Variants in NCKAP5 observed in about 807,000 individuals in gnomAD.
NCKAP5 encodes nck-associated protein 5.
NCKAP5 carries 92 observed loss-of-function variants against 167.0 expected under a neutral mutation model. The ratio of observed to expected loss-of-function variants is 0.55; its 90% confidence interval spans 0.47 to 0.66. NCKAP5 has a LOEUF of 0.66. Ranked by LOEUF, NCKAP5 falls within the 30% of genes least tolerant of loss-of-function variation. The pLI is 0.00. For synonymous variants in NCKAP5, 891 were observed against 877.4 expected, an observed-to-expected ratio of 1.02 and a Z score of -0.27; for missense variants, 2,378 against 2,315.0, an observed-to-expected ratio of 1.03 and a Z score of -0.56.
At chr2:133,249,234 G>T (rs923214228) in intron 4 of NCKAP5, among the ~76,000 whole-genome samples, 3 of 152,024 alleles carry the variant, frequency 2.0e-5, no homozygotes, top group African/African-American at 7.2e-5. Context: ...GATTTTTTTG[G>T]CAGGGCTCAA....
chr2:133,411,585 T>C lies in NCKAP5; in HGVS notation c.69+105873A>G, dbSNP rs1428491102. On this transcript the variant is annotated intron_variant, in intron 3 of 19. Coordinates refer to ENST00000409261, the MANE Select transcript of NCKAP5 (RefSeq NM_207363.3). ...ACGTGGAGACTTTGAGATTTCAGAG[T>C]AAAATTGGGAACAGGGCTTGGAAAA... Among the ~76,000 whole-genome samples, 5 of 151,664 alleles carry C rather than the reference T, an allele frequency of 3.3e-5. No individual in the cohort carries two copies. In the East Asian group the frequency reaches 9.7e-4, roughly 29 times the overall value.
At chr2:133,304,510 A>G (rs1298084927) in intron 3 of NCKAP5, among the ~76,000 whole-genome samples, 1 of 152,254 alleles carries the variant, frequency 6.6e-6, no homozygotes, top group Non-Finnish European at 1.5e-5. Context: ...AACAAAGCAG[A>G]AAGCTCTGCT....
intron 3 of NCKAP5, among the ~76,000 whole-genome samples, chr2:133,437,263 G>C (rs911373958): frequency 6.6e-6 from 1 of 151,920 alleles, no homozygotes; most frequent in Non-Finnish European, 1.5e-5. Context: ...TGAGGCAGGA[G>C]AATCGCTTGA....
At chr2:133,135,196 G>A (rs2082745613) in intron 5 of NCKAP5, among the ~76,000 whole-genome samples, 1 of 152,216 alleles carries the variant, frequency 6.6e-6, no homozygotes, top group African/African-American at 2.4e-5. Context: ...TTGTTTGGTA[G>A]GTCAGGGAAA....
rs759008162 is a variant in NCKAP5, at chr2:132,784,629, C to G, written c.2182G>C (p.Asp728His). ...TCAGACCTTTTAAAGAAAGTATAGT[C>G]TCTTGCAGCAGCTCTTGGCTGTAAA... ...ACLQPRAAAR[D>H]YTFFKRSEED... Residue 728 changes from aspartate (D) to histidine (H), a missense_variant, in exon 14 of 20, where the codon GAC (aspartate) becomes CAC (histidine). Physicochemically the swap from Asp to His is moderately conservative, Grantham distance 81 (BLOSUM62 -1). Around this residue, in one of 3 missense-constraint regions of NCKAP5, gnomAD observed 1,049 missense variants for 1,023.4 expected, o/e 1.02. Coordinates refer to ENST00000409261, the MANE Select transcript of NCKAP5 (RefSeq NM_207363.3). 2.0e-5 allele frequency: 33 copies of G among 1,613,082 alleles called. No homozygotes were observed. Among genetic ancestry groups the G allele is most frequent in the Non-Finnish European group, 2.5e-5 (30 of 1,179,556 alleles).
rs190185316 is a variant in NCKAP5 at position 133,449,892 on chromosome 2, T to G, written c.69+67566A>C. Reference sequence around the variant, plus strand: ...ATAAGAACTCGGTTGCATAGCACAATTTTTGTGGGTTGAAGTGCCTTGACA... The same window carrying G: ...ATAAGAACTCGGTTGCATAGCACAAGTTTTGTGGGTTGAAGTGCCTTGACA... On this transcript the variant is annotated intron_variant, in intron 3 of 19. Transcript: ENST00000409261. Among the ~76,000 whole-genome samples, 17 of 152,076 alleles carry G rather than the reference T, an allele frequency of 1.1e-4. No homozygotes were observed. The East Asian group carries it at 3.1e-3, about 28-fold the overall frequency.
intron 3 of NCKAP5, among the ~76,000 whole-genome samples, chr2:133,393,140 G>C (rs370631647): frequency 2.6e-5 from 4 of 152,202 alleles, no homozygotes; most frequent in Admixed American, 1.3e-4. Context: ...TACCAGAGAT[G>C]TGACTGAGTA....
At chr2:132,914,857 T>G (rs1022990665) in intron 8 of NCKAP5, among the ~76,000 whole-genome samples, 1 of 151,924 alleles carries the variant, frequency 6.6e-6, no homozygotes, top group Non-Finnish European at 1.5e-5. Context: ...TATGTGTGTT[T>G]TGTGGCTTCA....
chr2:133,385,780 G>A (rs1431808224), intron 3 of NCKAP5, among the ~76,000 whole-genome samples: 2 of 152,132 alleles, frequency 1.3e-5, no homozygotes, highest in African/African-American at 4.8e-5. Flanking sequence ...TCTTGGGAGG[G>A]TGTATGTGTC....
intron 8 of NCKAP5, among the ~76,000 whole-genome samples, chr2:132,904,219 C>T (rs1962923): frequency 0.064 from 9,685 of 151,706 alleles, 783 homozygotes; most frequent in East Asian, 0.25. Flanking sequence ...ACATGGGAGG[C>T]GGAGCTTGCA....
chr2:133,632,966 G>A, the NCKAP5 span, among the ~76,000 whole-genome samples: 6 of 152,146 alleles, frequency 3.9e-5, no homozygotes, highest in Non-Finnish European at 8.8e-5. Flanking sequence ...CTTGCATCTG[G>A]ACACACCGGT....
At chr2:133,410,444 C>T (rs12327930) in intron 3 of NCKAP5, among the ~76,000 whole-genome samples, 33,317 of 152,150 alleles carry the variant, frequency 0.22, 4,018 homozygotes, top group Non-Finnish European at 0.26. Context: ...CCTCCATATA[C>T]TAAATGGGAA....
At chr2:133,432,041 T>C (rs532752521) in intron 3 of NCKAP5, among the ~76,000 whole-genome samples, 4 of 152,172 alleles carry the variant, frequency 2.6e-5, no homozygotes, top group Non-Finnish European at 5.9e-5. Flanking sequence ...AATCATGGAA[T>C]TGATCATTAT....
In NCKAP5 at chr2:132,728,842, T is replaced by C. The variant is rs1365110005; in HGVS notation, c.5554A>G (p.Ser1852Gly). ...TGGGTCCCGGTGGCAGCAACTTCAC[T>C]CCCCCAGTCTGGAAGCGGCTGGCTT... ...MASQPLPDWGSEVAATGTQDK... is the reference protein window; with the variant it reads ...MASQPLPDWGGEVAATGTQDK... Residue 1852 changes from serine (S) to glycine (G), a missense_variant, in exon 18 of 20, where the codon AGT (serine) becomes GGT (glycine). This residue lies in a region of NCKAP5 where 1,325 missense variants were observed against 1,274.5 expected (regional missense o/e 1.04). Coordinates refer to ENST00000409261, the MANE Select transcript of NCKAP5 (RefSeq NM_207363.3). The C allele has an allele frequency of 1.2e-6, 2 of 1,613,636 alleles. No individual in the cohort carries two copies. Among genetic ancestry groups the C allele is most frequent in the African/African-American group, 1.3e-5 (1 of 74,870 alleles).
chr2:132,942,696 C>A (rs932634420), intron 8 of NCKAP5, among the ~76,000 whole-genome samples: 2 of 152,064 alleles, frequency 1.3e-5, no homozygotes, highest in African/African-American at 4.8e-5. Flanking sequence ...TTATGGAATC[C>A]AATCAACCTT....
intron 3 of NCKAP5, among the ~76,000 whole-genome samples, chr2:133,506,556 G>A (rs971771545): frequency 2.0e-5 from 3 of 152,068 alleles, no homozygotes; most frequent in East Asian, 3.9e-4. Context: ...TTCACGTCCC[G>A]ATCCCCTTGC....
chr2:133,549,824 G>C (rs1311391974), intron 2 of NCKAP5, among the ~76,000 whole-genome samples: 63 of 149,920 alleles, frequency 4.2e-4, no homozygotes, highest in Non-Finnish European at 7.3e-4. Context: ...TTTTTGAAAG[G>C]ATCAACAAAA....
intron 7 of NCKAP5, among the ~76,000 whole-genome samples, chr2:132,969,518 G>A (rs1319587614): frequency 1.3e-5 from 2 of 152,300 alleles, no homozygotes; most frequent in East Asian, 3.9e-4. Flanking sequence ...CTGACCCCAG[G>A]GTGAGAGAGC....
intron 15 of NCKAP5, among the ~76,000 whole-genome samples, chr2:132,780,193 C>T (rs940999127): frequency 6.6e-6 from 1 of 152,094 alleles, no homozygotes; most frequent in African/African-American, 2.4e-5. Context: ...GCTCTGTCGC[C>T]CAGGCTGGAG....
Sources: gnomAD v4.1 joint callset for allele counts (sites outside exome capture counted in the v4.1 genomes callset) on GRCh38, gnomAD v4.1.1 for gene constraint, gnomAD v4.1.1 regional missense constraint, MANE v1.5 for transcripts, NCBI Gene and HGNC (gene_info 2026-07-23, HGNC 2026-07-21) for gene names.